EPHA6: variants seen among roughly 807,000 people sequenced by gnomAD.
The protein encoded by EPHA6 is EPH receptor A6.
In EPHA6, 50 loss-of-function variants were observed where a neutral mutation model predicts 112.0. That is an observed-to-expected ratio of 0.45 (90% CI 0.36 to 0.56). The LOEUF (loss-of-function observed/expected upper bound fraction) is 0.56, where lower values mean the gene tolerates loss of function less well. Among genes scored for constraint, EPHA6 ranks in the 20% least tolerant of loss-of-function variants. The probability of loss-of-function intolerance (pLI) is 0.00; values close to 1 mark genes in which losing one functional copy is unlikely to be tolerated. For missense variants in EPHA6, 1,280 were observed against 1,417.4 expected (o/e 0.90, Z 1.56); for synonymous variants, 529 against 490.7 (o/e 1.08, Z -1.03).
intron 2 of EPHA6, among the ~76,000 whole-genome samples, chr3:96,877,550 G>T (rs1444909415): frequency 6.6e-6 from 1 of 151,952 alleles, no homozygotes; most frequent in African/African-American, 2.4e-5. Flanking sequence ...ATAAAAAATA[G>T]AACATATGGA....
rs1328568787 is a variant in EPHA6 at position 97,758,607 on chromosome 3, A to G, written c.*9906A>G. Among the ~76,000 whole-genome samples, 3 of 151,972 alleles carry G rather than the reference A, an allele frequency of 2.0e-5. No homozygotes were observed. The highest frequency in any genetic ancestry group is 4.4e-5 in the Non-Finnish European group (3 of 67,896). On this transcript the variant is annotated 3_prime_UTR_variant, in exon 18 of 18. Coordinates refer to ENST00000389672, the MANE Select transcript of EPHA6 (RefSeq NM_001080448.3). ...TGGAATTGACCTTCTAGTGATAAAG[A>G]CACACAATGAAGAAATAGTGATGTG...
chr3:97,326,313 C>G (rs2082419454), intron 5 of EPHA6, among the ~76,000 whole-genome samples: 1 of 151,734 alleles, frequency 6.6e-6, no homozygotes, highest in African/African-American at 2.4e-5. Flanking sequence ...TAACATTTTG[C>G]AGCATTATAT....
intron 6 of EPHA6, among the ~76,000 whole-genome samples, chr3:97,422,822 T>C (rs1163028936): frequency 6.6e-6 from 1 of 152,210 alleles, no homozygotes; most frequent in Non-Finnish European, 1.5e-5. Context: ...CATGATCCAT[T>C]AGGCTTTATT....
intron 3 of EPHA6, among the ~76,000 whole-genome samples, chr3:97,085,089 CT>C (rs1481294642): frequency 1.3e-5 from 2 of 152,072 alleles, no homozygotes; most frequent in Non-Finnish European, 2.9e-5. Flanking sequence ...AAATATTCTA[CT>C]TTGAAATTAC....
chr3:97,071,328 G>A (rs568889608), intron 3 of EPHA6, among the ~76,000 whole-genome samples: 1 of 152,112 alleles, frequency 6.6e-6, no homozygotes, highest in African/African-American at 2.4e-5. Context: ...CCATAAAGAT[G>A]TTGAAGTCCT....
chr3:97,135,740 T>TAAAAAAAAAA (rs58000616), intron 3 of EPHA6, among the ~76,000 whole-genome samples: 1 of 119,720 alleles, frequency 8.4e-6, no homozygotes, highest in African/African-American at 3.1e-5. Flanking sequence ...ATGGCAAGAT[T>TAAAAAAAAAA]AAAAAAAAAA....
At chr3:97,439,323 T>C (rs929271222) in intron 6 of EPHA6, among the ~76,000 whole-genome samples, 2 of 151,928 alleles carry the variant, frequency 1.3e-5, no homozygotes, top group Non-Finnish European at 2.9e-5. Flanking sequence ...CAAAAAGTAG[T>C]TGTGTACATG....
chr3:97,645,060 C>G (rs1447175148), intron 14 of EPHA6, among the ~76,000 whole-genome samples: 1 of 152,072 alleles, frequency 6.6e-6, no homozygotes, highest in Non-Finnish European at 1.5e-5. Flanking sequence ...CAAAACGAAT[C>G]CAGCAGCATA....
chr3:97,207,950 G>A (rs2077758743), intron 3 of EPHA6, among the ~76,000 whole-genome samples: 1 of 152,080 alleles, frequency 6.6e-6, no homozygotes. Context: ...TTAATATATG[G>A]AATGGCTATA....
rs576263931 is a variant in EPHA6, at chr3:97,522,929, A to G, written c.2201-9429A>G. On this transcript the variant is annotated intron_variant, in intron 10 of 17. Transcript: ENST00000389672. ...TTTGAGTCTTATCTCTTTTTTTCTTAGTTGGTCTGGTCTGGCAAAGGGTTT... is the reference window on the plus strand; with the variant it reads ...TTTGAGTCTTATCTCTTTTTTTCTTGGTTGGTCTGGTCTGGCAAAGGGTTT... Among the ~76,000 whole-genome samples, 9 of 151,246 alleles carry G rather than the reference A, an allele frequency of 6.0e-5. No homozygotes were observed. In the South Asian group the frequency reaches 1.9e-3, roughly 32 times the overall value.
At chr3:97,260,683 G>A in intron 5 of EPHA6, among the ~76,000 whole-genome samples, 1 of 152,144 alleles carries the variant, frequency 6.6e-6, no homozygotes, top group Non-Finnish European at 1.5e-5. Flanking sequence ...CAGCCATTAG[G>A]GTAGAATACA....
intron 2 of EPHA6, among the ~76,000 whole-genome samples, chr3:96,902,321 A>AT (rs764198568): frequency 5.3e-5 from 8 of 152,134 alleles, no homozygotes; most frequent in African/African-American, 1.9e-4. Context: ...AAAACATGAA[A>AT]TTTTTTCCCA....
At chr3:96,850,909 TAAAAC>T (rs1465521118) in intron 1 of EPHA6, among the ~76,000 whole-genome samples, 1 of 151,956 alleles carries the variant, frequency 6.6e-6, no homozygotes, top group Non-Finnish European at 1.5e-5. Flanking sequence ...TATACATAAA[TAAAAC>T]AAATGAAAAT....
At position 97,751,752 on chromosome 3, in the gene EPHA6, T is replaced by C. The variant is rs901104901; in HGVS notation, c.*3051T>C. Among the ~76,000 whole-genome samples, 3 of 152,154 alleles carry C rather than the reference T, an allele frequency of 2.0e-5. No homozygotes were observed. The highest frequency in any genetic ancestry group is 7.2e-5 in the African/African-American group (3 of 41,444). On this transcript the variant is annotated 3_prime_UTR_variant, in exon 18 of 18. Coordinates refer to ENST00000389672, the MANE Select transcript of EPHA6 (RefSeq NM_001080448.3). ...AGTAACTTCCATAAATCACAAGTCT[T>C]CAGGAATAATCTTTGATACCTAAAA... is the stretch of plus-strand genomic sequence containing the variant.
intron 5 of EPHA6, among the ~76,000 whole-genome samples, chr3:97,293,901 T>A (rs943667212): frequency 1.1e-4 from 16 of 152,242 alleles, no homozygotes; most frequent in Non-Finnish European, 1.9e-4. Flanking sequence ...CTGCCTCCCG[T>A]GTTCATCAGT....
At chr3:97,440,518 T>C (rs1438049738) in intron 6 of EPHA6, among the ~76,000 whole-genome samples, 1 of 151,482 alleles carries the variant, frequency 6.6e-6, no homozygotes, top group Admixed American at 6.6e-5. Flanking sequence ...GCAGAAATAA[T>C]TATTTGCAAA....
chr3:97,045,519 T>C (rs910037178), intron 3 of EPHA6, among the ~76,000 whole-genome samples: 4 of 151,992 alleles, frequency 2.6e-5, no homozygotes, highest in Non-Finnish European at 4.4e-5. Flanking sequence ...AAAATTGTTC[T>C]TTCTTTCAAT....
At chr3:97,590,548 C>G (rs2093533443) in intron 11 of EPHA6, among the ~76,000 whole-genome samples, 1 of 148,710 alleles carries the variant, frequency 6.7e-6, no homozygotes, top group African/African-American at 2.6e-5. Context: ...AGAGTCACTA[C>G]TTTACATATT....
intron 3 of EPHA6, among the ~76,000 whole-genome samples, chr3:97,098,654 C>G (rs1490408348): frequency 1.3e-5 from 2 of 151,624 alleles, no homozygotes; most frequent in Non-Finnish European, 2.9e-5. Flanking sequence ...TTTCAAAAAC[C>G]CTTATGACAA....
Sources: gnomAD v4.1 joint callset for allele counts (sites outside exome capture counted in the v4.1 genomes callset) on GRCh38, gnomAD v4.1.1 for gene constraint, MANE v1.5 for transcripts, NCBI Gene and HGNC (gene_info 2026-07-23, HGNC 2026-07-21) for gene names.